The following FAM171B variants were observed in gnomAD, a reference collection of about 807,000 sequenced individuals.
FAM171B encodes the protein family with sequence similarity 171 member B.
FAM171B carries 19 observed loss-of-function variants against 75.6 expected under a neutral mutation model. The ratio of observed to expected loss-of-function variants is 0.25; its 90% CI spans 0.18 to 0.37. The LOEUF is 0.37. Among genes scored for constraint, FAM171B ranks in the 10% least tolerant of loss-of-function variants. The pLI is 1.00. For synonymous variants in FAM171B, 367 were observed against 361.7 expected (o/e 1.01, Z -0.17); for missense variants, 848 against 982.4 (o/e 0.86, Z 1.83).
At chr2:186,748,762 C>A (rs181387045) in intron 4 of FAM171B, among the ~76,000 whole-genome samples, 1 of 152,244 alleles carries the variant, frequency 6.6e-6, no homozygotes, top group African/African-American at 2.4e-5. Flanking sequence ...ACTATTTGCC[C>A]TCAAATTATT....
chr2:186,748,909 C>T (rs932169642), intron 4 of FAM171B, among the ~76,000 whole-genome samples: 1 of 152,028 alleles, frequency 6.6e-6, no homozygotes, highest in Non-Finnish European at 1.5e-5. Context: ...AAGCTCATGG[C>T]GCTGGAGGAT....
intron 1 of FAM171B, among the ~76,000 whole-genome samples, chr2:186,718,327 T>G (rs1272502009): frequency 3.3e-5 from 5 of 152,206 alleles, no homozygotes; most frequent in Non-Finnish European, 7.3e-5. Flanking sequence ...GTTCCCAGGC[T>G]TTTTTCTTGC....
chr2:186,746,282 A>T (rs1690363937), intron 3 of FAM171B, among the ~76,000 whole-genome samples: 1 of 152,244 alleles, frequency 6.6e-6, no homozygotes, highest in South Asian at 2.1e-4. Context: ...TTATAAATTG[A>T]GTACCTGGCA....
chr2:186,723,611 A>G lies in FAM171B; in HGVS notation c.239-16617A>G, dbSNP rs185798058. Among the ~76,000 whole-genome samples the G allele has an allele frequency of 1.8e-4, 27 of 152,362 alleles. No individual in the cohort carries two copies. In the East Asian group the frequency reaches 3.1e-3, roughly 17 times the overall value. ...TTTGTTTTTCTAAGGCAAAGCAACA[A>G]TGTTGGTCCTAATCTTGCATTTTAA... On this transcript the variant is annotated intron_variant, in intron 1 of 7. Coordinates refer to ENST00000304698, the MANE Select transcript of FAM171B (RefSeq NM_177454.4).
rs371845152 is a variant in FAM171B, at chr2:186,747,227, C to T, written c.701C>T (p.Thr234Ile). The change falls in exon 4 of 8, where the codon ACT becomes ATT. Residue 234 changes from threonine (T) to isoleucine (I), a missense_variant. Around this residue, in one of 3 missense-constraint regions of FAM171B, gnomAD observed 665 missense variants for 729.0 expected, o/e 0.91. Coordinates refer to ENST00000304698, the MANE Select transcript of FAM171B (RefSeq NM_177454.4). ...FLKVDNFLHTTGITLNKPGFE... is the reference protein window; with the variant it reads ...FLKVDNFLHTIGITLNKPGFE... ...AAAGTGGACAATTTTCTGCATACAA[C>T]TGGAATTACTCTCAATAAACCAGGT... 3.7e-6 allele frequency: 6 copies of T among 1,602,456 alleles called. No homozygotes were observed. In the African/African-American group the frequency reaches 8.1e-5, roughly 22 times the overall value.
Position 186,694,207 on chromosome 2 carries a change from C to G in FAM171B, c.34C>G (p.Leu12Val), listed in dbSNP as rs1374635060. ...GCTCTGCCGGCGTGTCCCCTGCACCCTGCTTCTCGGCCTGGCCGTGGTGCT... is the reference window on the plus strand; with the variant it reads ...GCTCTGCCGGCGTGTCCCCTGCACCGTGCTTCTCGGCCTGGCCGTGGTGCT... ...ARLCRRVPCTLLLGLAVVLLK... is the reference protein window; with the variant it reads ...ARLCRRVPCTVLLGLAVVLLK... The change falls in exon 1 of 8, where the codon CTG (leucine) becomes GTG (valine). Residue 12 changes from leucine (L) to valine (V), a missense_variant. Leu to Val is a conservative substitution (Grantham distance 32). Coordinates refer to ENST00000304698, the MANE Select transcript of FAM171B (RefSeq NM_177454.4). 2 of 1,607,602 alleles carry G rather than the reference C, an allele frequency of 1.2e-6. No homozygotes were observed. The highest frequency in any genetic ancestry group is 1.7e-6 in the Non-Finnish European group (2 of 1,179,724).
chr2:186,752,515 A>G (rs1363591333), intron 5 of FAM171B, among the ~76,000 whole-genome samples: 1 of 152,196 alleles, frequency 6.6e-6, no homozygotes, highest in Non-Finnish European at 1.5e-5. Flanking sequence ...TACTACTTGG[A>G]ATAAGTCATT....
chr2:186,719,747 G>A (rs1689925369), intron 1 of FAM171B, among the ~76,000 whole-genome samples: 1 of 152,150 alleles, frequency 6.6e-6, no homozygotes, highest in Non-Finnish European at 1.5e-5. Context: ...TCACATTCTG[G>A]AAAGCATTTT....
At chr2:186,734,129 G>A (rs892808569) in intron 1 of FAM171B, among the ~76,000 whole-genome samples, 1 of 152,172 alleles carries the variant, frequency 6.6e-6, no homozygotes, top group African/African-American at 2.4e-5. Context: ...GAGCTCTCAG[G>A]AGACTGTAGG....
At chr2:186,703,561 T>A (rs1020890723) in intron 1 of FAM171B, among the ~76,000 whole-genome samples, 1 of 152,078 alleles carries the variant, frequency 6.6e-6, no homozygotes, top group Non-Finnish European at 1.5e-5. Context: ...AGAAACAGGA[T>A]GGGTAGGTAG....
At chr2:186,704,472 G>A (rs1396889678) in intron 1 of FAM171B, among the ~76,000 whole-genome samples, 1 of 152,094 alleles carries the variant, frequency 6.6e-6, no homozygotes, top group Non-Finnish European at 1.5e-5. Context: ...TGCACTGGCA[G>A]TGTTTGAAAA....
At chr2:186,732,738 T>C (rs186680909) in intron 1 of FAM171B, among the ~76,000 whole-genome samples, 1 of 152,360 alleles carries the variant, frequency 6.6e-6, no homozygotes, top group East Asian at 1.9e-4. Flanking sequence ...TGGGAGCGGC[T>C]GCATGTGCAG....
chr2:186,742,676 A>T (rs1690305762), intron 2 of FAM171B, among the ~76,000 whole-genome samples: 1 of 152,220 alleles, frequency 6.6e-6, no homozygotes, highest in Admixed American at 6.5e-5. Context: ...GAGGAAAGAT[A>T]TCAAACGAGA....
At chr2:186,759,007 G>A (rs2105792654) in intron 6 of FAM171B, among the ~76,000 whole-genome samples, 1 of 151,992 alleles carries the variant, frequency 6.6e-6, no homozygotes. Flanking sequence ...ATTTCCAGCT[G>A]TTTCAATGTT....
rs780247662 is a variant in FAM171B, at chr2:186,751,120, GTCT to G, written c.725-9_725-7del. The G allele has an allele frequency of 1.3e-6, 2 of 1,572,038 alleles. No homozygotes were observed. The highest frequency in any genetic ancestry group is 1.7e-6 in the Non-Finnish European group (2 of 1,153,884). On this transcript the variant is annotated splice_polypyrimidine_tract_variant and intron_variant, in intron 4 of 7. Coordinates refer to ENST00000304698, the MANE Select transcript of FAM171B (RefSeq NM_177454.4). ...TGTTTACATATGATTTTAATAAACT[GTCT>G]TCTTTTATAGGTTTTGAAAACATTG...
rs1357351900 is a variant in FAM171B at position 186,763,478 on chromosome 2, ATAAG to A, written c.*660_*663del. 2 of 152,148 alleles carry A rather than the reference ATAAG, an allele frequency of 1.3e-5. No homozygotes were observed. The highest frequency in any genetic ancestry group is 2.9e-5 in the Non-Finnish European group (2 of 67,992). 9.4% of individuals were successfully genotyped at this position (152,148 alleles called of 1,614,324 possible). A position where few individuals can be genotyped will look rare whatever the true frequency, so the allele number is the denominator to read the frequency against. Reference sequence around the variant, plus strand: ...TTGTTTTTGGATATAACTTTACAAAATAAGTAAGATGTTAATTTAGAAATTTGAG... The same window carrying A: ...TTGTTTTTGGATATAACTTTACAAAATAAGATGTTAATTTAGAAATTTGAG... On this transcript the variant is annotated 3_prime_UTR_variant, in exon 8 of 8. Transcript: ENST00000304698.
intron 1 of FAM171B, among the ~76,000 whole-genome samples, chr2:186,705,864 A>G (rs190603234): frequency 2.4e-4 from 37 of 152,338 alleles, no homozygotes; most frequent in Admixed American, 1.8e-3. Context: ...AATGGTTGCC[A>G]ATATGTAATA....
rs1300738650 is a variant in FAM171B at position 186,694,240 on chromosome 2, G to A, written c.67G>A (p.Ala23Thr). The A allele has an allele frequency of 6.2e-7, 1 of 1,611,284 alleles. No homozygotes were observed. The part of the protein sequence containing the change: ...LLGLAVVLLK[A>T]RLVPAAARAE... ...CGGCCTGGCCGTGGTGCTGCTGAAA[G>A]CGCGGCTGGTCCCCGCGGCCGCCAG... is the stretch of plus-strand genomic sequence containing the variant. The change falls in exon 1 of 8, where the codon GCG (alanine) becomes ACG (threonine). Residue 23 changes from alanine to threonine, a missense_variant. Ala to Thr is a moderately conservative substitution (Grantham distance 58). Transcript: ENST00000304698.
At chr2:186,695,480 G>T (rs559235818) in intron 1 of FAM171B, among the ~76,000 whole-genome samples, 6 of 152,270 alleles carry the variant, frequency 3.9e-5, no homozygotes, top group Admixed American at 6.5e-5. Flanking sequence ...ATCCTGCCTG[G>T]TAACACTATA....
Sources: gnomAD v4.1 joint callset for allele counts (sites outside exome capture counted in the v4.1 genomes callset) on GRCh38, gnomAD v4.1.1 for gene constraint, gnomAD v4.1.1 regional missense constraint, MANE v1.5 for transcripts, NCBI Gene and HGNC (gene_info 2026-07-23, HGNC 2026-07-21) for gene names.